The following LMBR1 variants were observed in gnomAD, a reference collection of about 807,000 sequenced individuals.
LMBR1 encodes the protein limb region 1 protein homolog.
LMBR1 carries 52 observed loss-of-function variants against 73.9 expected under a neutral mutation model. The observed-to-expected ratio is 0.70, with a 90% CI of 0.56 to 0.89. LMBR1 has a LOEUF of 0.89. LMBR1 is among the 40% of genes least tolerant of loss of function. The pLI is 0.00. For missense variants in LMBR1, 539 were observed against 579.8 expected (o/e 0.93, Z 0.72); for synonymous variants, 215 against 209.4 (o/e 1.03, Z -0.23).
chr7:156,812,129 T>G (rs531636429), intron 4 of LMBR1, among the ~76,000 whole-genome samples: 79 of 152,312 alleles, frequency 5.2e-4, no homozygotes, highest in Admixed American at 3.6e-3. Context: ...GTTCACATCC[T>G]GATGTTCTGA....
At chr7:156,760,071 G>C (rs369545394) in intron 8 of LMBR1, among the ~76,000 whole-genome samples, 1 of 152,184 alleles carries the variant, frequency 6.6e-6, no homozygotes, top group African/African-American at 2.4e-5. Flanking sequence ...AGTCAGGATG[G>C]AGCAGGTGAC....
At chr7:156,876,492 T>G (rs573146835) in intron 1 of LMBR1, among the ~76,000 whole-genome samples, 3 of 152,182 alleles carry the variant, frequency 2.0e-5, no homozygotes, top group Admixed American at 6.5e-5. Flanking sequence ...TTACAGAACA[T>G]TCTACCCAAC....
In LMBR1 at chr7:156,770,184, T is replaced by C. The variant is rs551036469; in HGVS notation, c.424-6389A>G. 7.2e-5 allele frequency among the ~76,000 whole-genome samples: 11 copies of C among 152,222 alleles called. No homozygotes were observed. The East Asian group carries it at 2.1e-3, about 29-fold the overall frequency. ...GAATTTGAAATTAAACTACAAAAAG[T>C]ATGTCTATCTTTTTTTTTAAGATGA... On this transcript the variant is annotated intron_variant, in intron 5 of 16. Coordinates refer to ENST00000353442, the MANE Select transcript of LMBR1 (RefSeq NM_022458.4).
chr7:156,808,391 T>C (rs1009781474), intron 4 of LMBR1, among the ~76,000 whole-genome samples: 4 of 152,290 alleles, frequency 2.6e-5, no homozygotes, highest in Admixed American at 2.0e-4. Flanking sequence ...CTGATAATCA[T>C]ATAGCCACTC....
intron 4 of LMBR1, among the ~76,000 whole-genome samples, chr7:156,820,590 C>A (rs1053862905): frequency 6.6e-6 from 1 of 152,036 alleles, no homozygotes; most frequent in African/African-American, 2.4e-5. Context: ...TTCTAGGGGT[C>A]CAGTGTTGTA....
intron 1 of LMBR1, among the ~76,000 whole-genome samples, chr7:156,892,116 C>T (rs761636913): frequency 6.6e-6 from 1 of 152,238 alleles, no homozygotes; most frequent in Non-Finnish European, 1.5e-5. Context: ...AAGGTCAAGT[C>T]CGCTTCCTGA....
At chr7:156,873,620 G>A (rs531952003) in intron 1 of LMBR1, among the ~76,000 whole-genome samples, 7 of 149,216 alleles carry the variant, frequency 4.7e-5, no homozygotes, top group African/African-American at 1.2e-4. Context: ...GGTTCTCCAC[G>A]TCCCCATCAG....
At chr7:156,783,708 T>G (rs1018968587) in intron 5 of LMBR1, among the ~76,000 whole-genome samples, 2 of 152,192 alleles carry the variant, frequency 1.3e-5, no homozygotes, top group Non-Finnish European at 2.9e-5. Context: ...GAGCTTGACT[T>G]TCTAGTTTTA....
chr7:156,670,454 C>T lies in LMBR1; in HGVS notation n.867-1167G>A, dbSNP rs770083816. On this transcript the variant is annotated intron_variant and non_coding_transcript_variant, in intron 4 of 4. Transcript: ENST00000430825. This position sits in a 1 kb window ranked among gnomAD's most constrained non-coding sequence, Gnocchi z 4.3. Reference sequence around the variant, plus strand: ...CAGAATTTGAAGAGAAAAGAGAACACGTGGGACAGAGGCAACAGCTTGAAG... The same window carrying T: ...CAGAATTTGAAGAGAAAAGAGAACATGTGGGACAGAGGCAACAGCTTGAAG... Among the ~76,000 whole-genome samples the T allele has an allele frequency of 1.2e-4, 18 of 152,144 alleles. No homozygotes were observed. Among genetic ancestry groups the T allele is most frequent in the Admixed American group, 5.2e-4 (8 of 15,274 alleles).
chr7:156,760,880 G>A (rs117383509), intron 8 of LMBR1, among the ~76,000 whole-genome samples: 2 of 152,068 alleles, frequency 1.3e-5, no homozygotes, highest in Admixed American at 1.3e-4. Context: ...TAACTATAAC[G>A]ATTTAATAAG....
chr7:156,689,332 A>C (rs1324015187), intron 15 of LMBR1, among the ~76,000 whole-genome samples: 1 of 152,254 alleles, frequency 6.6e-6, no homozygotes, highest in East Asian at 1.9e-4. Flanking sequence ...ATCGTCTATA[A>C]AATTGTATAA....
intron 1 of LMBR1, chr7:156,892,496 GCGCACTGGCGGGGC>G (rs1231687755): frequency 6.5e-6 from 1 of 154,260 alleles, no homozygotes; most frequent in Non-Finnish European, 1.4e-5. Context: ...GCGCGGGGGC[GCGCACTGGCGGGGC>G]CGCCGTCCAC....
At chr7:156,851,636 T>C (rs1796252783) in intron 1 of LMBR1, among the ~76,000 whole-genome samples, 1 of 152,100 alleles carries the variant, frequency 6.6e-6, no homozygotes, top group African/African-American at 2.4e-5. Context: ...GTCATGATTG[T>C]AAGCCAAAAA....
intron 15 of LMBR1, among the ~76,000 whole-genome samples, chr7:156,710,833 C>T (rs1811930663): frequency 6.6e-6 from 1 of 152,098 alleles, no homozygotes; most frequent in African/African-American, 2.4e-5. Context: ...TCAGCAGAAA[C>T]CTTAAAAGCC....
At chr7:156,810,373 C>T (rs1246689054) in intron 4 of LMBR1, among the ~76,000 whole-genome samples, 1 of 152,164 alleles carries the variant, frequency 6.6e-6, no homozygotes, top group Non-Finnish European at 1.5e-5. Flanking sequence ...ACTAGATCCA[C>T]CTCCAACACT....
rs924616516 is a variant in LMBR1 at position 156,852,317 on chromosome 7, G to A, written c.67-15432C>T. On this transcript the variant is annotated intron_variant, in intron 1 of 16. Transcript: ENST00000353442. ...CAATATACGTGTTCAATGTTGGTAAGCCAACAAATATTACCAAGCATTACA... is the reference window on the plus strand; with the variant it reads ...CAATATACGTGTTCAATGTTGGTAAACCAACAAATATTACCAAGCATTACA... Among the ~76,000 whole-genome samples the A allele has an allele frequency of 4.6e-5, 7 of 152,026 alleles. No homozygotes were observed. In the South Asian group the frequency reaches 1.4e-3, roughly 31 times the overall value.
chr7:156,809,634 G>A (rs534243141), intron 4 of LMBR1, among the ~76,000 whole-genome samples: 9 of 152,218 alleles, frequency 5.9e-5, no homozygotes, highest in South Asian at 2.1e-4. Flanking sequence ...TTTGTGATCC[G>A]TGGTTGGTTG....
intron 4 of LMBR1, among the ~76,000 whole-genome samples, chr7:156,818,057 G>A (rs1172196638): frequency 6.6e-6 from 1 of 152,082 alleles, no homozygotes; most frequent in African/African-American, 2.4e-5. Flanking sequence ...GAACTACTGA[G>A]CCCAAATGAC....
At chr7:156,692,356 C>T (rs1344756980) in intron 15 of LMBR1, among the ~76,000 whole-genome samples, 4 of 152,192 alleles carry the variant, frequency 2.6e-5, no homozygotes, top group African/African-American at 7.2e-5. Flanking sequence ...GGATTACAGG[C>T]GTGAGCCACT....
Sources: allele counts gnomAD v4.1 joint callset (sites outside exome capture counted in the v4.1 genomes callset), GRCh38; gene constraint gnomAD v4.1.1; non-coding constraint Gnocchi (gnomAD v3.1); transcripts MANE v1.5; gene names NCBI Gene and HGNC (gene_info 2026-07-23, HGNC 2026-07-21).